The following NEK11 variants were observed in gnomAD, a reference collection of about 807,000 sequenced individuals.
NEK11 encodes the protein NIMA related kinase 11.
NEK11 carries 72 observed loss-of-function variants against 80.7 expected under a neutral mutation model. That is an observed-to-expected ratio of 0.89 (90% CI 0.74 to 1.08). The LOEUF (loss-of-function observed/expected upper bound fraction) is 1.08, where lower values mean the gene tolerates loss of function less well. Among genes scored for constraint, NEK11 ranks in the 50% least tolerant of loss-of-function variants. The probability of loss-of-function intolerance (pLI) is 0.00; values close to 1 mark genes in which losing one functional copy is unlikely to be tolerated. For missense variants in NEK11, 764 were observed against 763.6 expected (o/e 1.00, Z -0.01); for synonymous variants, 251 against 260.7 (o/e 0.96, Z 0.36).
At chr3:131,335,778 T>C (rs1222910152) in intron 17 of NEK11, among the ~76,000 whole-genome samples, 1 of 152,222 alleles carries the variant, frequency 6.6e-6, no homozygotes, top group Non-Finnish European at 1.5e-5. Flanking sequence ...AGTCTCAGGA[T>C]AGAAAATCAA....
At chr3:131,306,082 G>C (rs1246801556) in intron 17 of NEK11, among the ~76,000 whole-genome samples, 4 of 151,914 alleles carry the variant, frequency 2.6e-5, no homozygotes, top group Non-Finnish European at 5.9e-5. Context: ...TCTTTCTTAG[G>C]ATTTAAGAAA....
At chr3:131,113,893 A>G (rs11919436) in intron 5 of NEK11, among the ~76,000 whole-genome samples, 2,126 of 144,348 alleles carry the variant, frequency 0.015, 57 homozygotes, top group African/African-American at 0.052. Flanking sequence ...CCTGGGTGAC[A>G]GTGCAAGACT....
chr3:131,152,167 GACTT>G (rs2089771821), intron 7 of NEK11, among the ~76,000 whole-genome samples: 1 of 151,488 alleles, frequency 6.6e-6, no homozygotes, highest in Non-Finnish European at 1.5e-5. Context: ...CTGTCATTCA[GACTT>G]ACTTTTGTGC....
intron 17 of NEK11, among the ~76,000 whole-genome samples, chr3:131,343,268 G>A (rs1275521255): frequency 6.6e-6 from 1 of 152,152 alleles, no homozygotes; most frequent in African/African-American, 2.4e-5. Context: ...GAAGATGACT[G>A]CAGGAGGGAA....
chr3:131,234,402 C>T (rs74616920), intron 15 of NEK11, among the ~76,000 whole-genome samples: 2,529 of 152,278 alleles, frequency 0.017, 73 homozygotes, highest in African/African-American at 0.058. Flanking sequence ...CTTAAATCGA[C>T]CTTAGAGGTC....
chr3:131,118,053 G>A (rs1245836133), intron 5 of NEK11, among the ~76,000 whole-genome samples: 3 of 152,134 alleles, frequency 2.0e-5, no homozygotes, highest in Non-Finnish European at 4.4e-5. Flanking sequence ...TCTTGTGCCA[G>A]TTTTCAAACA....
chr3:131,135,552 A>G (rs2085402119), intron 7 of NEK11, among the ~76,000 whole-genome samples: 1 of 152,194 alleles, frequency 6.6e-6, no homozygotes, highest in Non-Finnish European at 1.5e-5. Context: ...ATTCCTACCT[A>G]TCAAGAGAAA....
At chr3:131,211,584 C>G (rs1048420573) in intron 14 of NEK11, among the ~76,000 whole-genome samples, 1 of 152,220 alleles carries the variant, frequency 6.6e-6, no homozygotes, top group Non-Finnish European at 1.5e-5. Flanking sequence ...GTTCCATTCT[C>G]CCCGTCACTT....
intron 14 of NEK11, among the ~76,000 whole-genome samples, chr3:131,182,364 G>C (rs558542849): frequency 5.9e-5 from 9 of 152,214 alleles, no homozygotes; most frequent in African/African-American, 1.9e-4. Flanking sequence ...TAATGAATTT[G>C]ACTTATTCTC....
intron 3 of NEK11, among the ~76,000 whole-genome samples, chr3:131,071,845 T>C (rs1399544315): frequency 1.3e-5 from 2 of 152,166 alleles, no homozygotes; most frequent in Non-Finnish European, 2.9e-5. Context: ...TTTAAATTAG[T>C]AGACTCATTA....
At position 131,161,733 on chromosome 3, in the gene NEK11, C is replaced by G. The variant is rs2091621323; in HGVS notation, c.963-675C>G. Reference sequence around the variant, plus strand: ...GATCAGGAAAAATAACTAATGGGTACTAGGCTTAATACGTGGGTGACAAAA... The same window carrying G: ...GATCAGGAAAAATAACTAATGGGTAGTAGGCTTAATACGTGGGTGACAAAA... On this transcript the variant is annotated intron_variant, in intron 10 of 17. Transcript: ENST00000383366. Among the ~76,000 whole-genome samples, 4 of 152,116 alleles carry G rather than the reference C, an allele frequency of 2.6e-5. No homozygotes were observed. In the South Asian group the frequency reaches 8.3e-4, roughly 32 times the overall value.
chr3:131,229,876 G>C (rs1171810982), intron 15 of NEK11, among the ~76,000 whole-genome samples: 1 of 152,042 alleles, frequency 6.6e-6, no homozygotes, highest in Non-Finnish European at 1.5e-5. Context: ...GAAAAATACA[G>C]CTAAAGGGGG....
chr3:131,287,019 A>C (rs2096480737), intron 17 of NEK11, among the ~76,000 whole-genome samples: 1 of 152,140 alleles, frequency 6.6e-6, no homozygotes, highest in Admixed American at 6.5e-5. Flanking sequence ...CCTTAGAAAA[A>C]CTGGAAGAAT....
At chr3:131,107,943 C>T (rs1388162662) in intron 4 of NEK11, among the ~76,000 whole-genome samples, 1 of 151,964 alleles carries the variant, frequency 6.6e-6, no homozygotes, top group Non-Finnish European at 1.5e-5. Context: ...TTCTGATAAA[C>T]TCAAGGAGTA....
intron 14 of NEK11, among the ~76,000 whole-genome samples, chr3:131,185,581 C>T (rs978123518): frequency 7.2e-5 from 11 of 152,140 alleles, no homozygotes; most frequent in South Asian, 2.1e-4. Context: ...CAGTTTGAGG[C>T]GCTGGGTTCA....
At chr3:131,334,571 AGC>A (rs2097149912) in intron 17 of NEK11, among the ~76,000 whole-genome samples, 1 of 145,784 alleles carries the variant, frequency 6.9e-6, no homozygotes, top group Non-Finnish European at 1.5e-5. Context: ...GAAAAGCAAG[AGC>A]AAACACATTC....
intron 14 of NEK11, among the ~76,000 whole-genome samples, chr3:131,203,820 T>A: frequency 1.0e-5 from 1 of 99,676 alleles, no homozygotes; most frequent in African/African-American, 3.9e-5. Flanking sequence ...TATATATATA[T>A]ATATATAAAG....
In NEK11 at chr3:131,109,962, A is replaced by C. The variant is rs187523055; in HGVS notation, c.455+41A>C. Reference sequence around the variant, plus strand: ...ACTGGGGGAGCATGATATATTTTTAACAGTCATGTTTGAACTTGAAAAGTG... The same window carrying C: ...ACTGGGGGAGCATGATATATTTTTACCAGTCATGTTTGAACTTGAAAAGTG... On this transcript the variant is annotated intron_variant, in intron 5 of 17. Transcript: ENST00000383366. 78 of 1,554,434 alleles carry C rather than the reference A, an allele frequency of 5.0e-5. No homozygotes were observed. The Admixed American group carries it at 6.7e-4, about 13-fold the overall frequency.
chr3:131,285,909 C>A (rs542683102), intron 17 of NEK11, among the ~76,000 whole-genome samples: 14 of 152,290 alleles, frequency 9.2e-5, no homozygotes, highest in Non-Finnish European at 1.5e-4. Context: ...AGGACCTGAA[C>A]AATCTGGGTT....
Sources: gnomAD v4.1 joint callset for allele counts (sites outside exome capture counted in the v4.1 genomes callset) on GRCh38, gnomAD v4.1.1 for gene constraint, MANE v1.5 for transcripts, NCBI Gene and HGNC (gene_info 2026-07-23, HGNC 2026-07-21) for gene names.